The following OTOGL variants were observed in gnomAD, a reference collection of about 807,000 sequenced individuals.
OTOGL encodes otogelin-like protein.
In OTOGL, 285 loss-of-function variants were observed where a neutral mutation model predicts 318.5. That is an observed-to-expected ratio of 0.89 (90% CI 0.81 to 0.99). The LOEUF (loss-of-function observed/expected upper bound fraction) is 0.99, where lower values mean the gene tolerates loss of function less well. OTOGL is among the 50% of genes least tolerant of loss of function. The probability of loss-of-function intolerance (pLI) is 0.00; values close to 1 mark genes in which losing one functional copy is unlikely to be tolerated. For synonymous variants in OTOGL, 987 were observed against 936.5 expected (o/e 1.05, Z -0.99); for missense variants, 2,899 against 2,845.6 (o/e 1.02, Z -0.43).
intron 28 of OTOGL, among the ~76,000 whole-genome samples, chr12:80,305,204 A>G (rs1886027049): frequency 6.6e-6 from 1 of 152,200 alleles, no homozygotes; most frequent in Admixed American, 6.5e-5. Flanking sequence ...ATATGTATAT[A>G]TATATACACA....
rs999362419 is a variant in OTOGL, at chr12:80,380,229, T to C, written c.*2181T>C. The C allele has an allele frequency of 1.1e-4, 16 of 152,034 alleles. No individual in the cohort carries two copies. The highest frequency in any genetic ancestry group is 1.0e-3 in the Admixed American group (16 of 15,256). 9.4% of individuals were successfully genotyped at this position (152,034 alleles called of 1,614,324 possible). On this transcript the variant is annotated 3_prime_UTR_variant, in exon 59 of 59. Coordinates refer to ENST00000547103, the MANE Select transcript of OTOGL (RefSeq NM_001378609.3). ...CTTAGATTGGGGAGAGCCATTCTAA[T>C]TGTGACTCAGTATCCAGATACCCCA...
chr12:80,166,333 T>C (rs1245813602), intron 1 of OTOGL, among the ~76,000 whole-genome samples: 1 of 152,104 alleles, frequency 6.6e-6, no homozygotes, highest in Non-Finnish European at 1.5e-5. Flanking sequence ...TCTACATTAT[T>C]AGACAAGCTC....
chr12:80,122,515 G>T (rs945564283), intron 1 of OTOGL, among the ~76,000 whole-genome samples: 2 of 152,150 alleles, frequency 1.3e-5, no homozygotes, highest in African/African-American at 4.8e-5. Context: ...ACTCTTATCT[G>T]GTTAAGTTGT....
At position 80,125,362 on chromosome 12, in the gene OTOGL, T is replaced by C. The variant is rs1003146235; in HGVS notation, c.-20+25757T>C. 1.8e-4 allele frequency among the ~76,000 whole-genome samples: 28 copies of C among 152,254 alleles called. No homozygotes were observed. The East Asian group carries it at 2.1e-3, about 12-fold the overall frequency. On this transcript the variant is annotated intron_variant, in intron 1 of 58. Transcript: ENST00000547103. ...CGTTTATTGATTTGCATATGTTGAA[T>C]CAGCCTTGCATCCCAGGGATGAAGC...
At chr12:80,203,242 T>C (rs1057010026) in intron 1 of OTOGL, among the ~76,000 whole-genome samples, 7 of 152,216 alleles carry the variant, frequency 4.6e-5, no homozygotes, top group Non-Finnish European at 7.3e-5. Context: ...TGTATTTGTC[T>C]GGAAGCTGTA....
rs780734089 is a variant in OTOGL, at chr12:80,317,947, T to C, written c.3635-599T>C. ...CCTAGTGAAGCTCTTTTTCTCATAG[T>C]TTATAAGGGTCCCCAGCTGCTCAAT... On this transcript the variant is annotated intron_variant, in intron 32 of 58. Coordinates refer to ENST00000547103, the MANE Select transcript of OTOGL (RefSeq NM_001378609.3). Among the ~76,000 whole-genome samples, 108 of 152,262 alleles carry C rather than the reference T, an allele frequency of 7.1e-4. 1 individual carries two copies. The highest frequency in any genetic ancestry group is 8.5e-4 in the Admixed American group (13 of 15,278).
rs550870274 is a variant in OTOGL at position 80,380,826 on chromosome 12, G to A, written c.*2778G>A. 1 of 152,164 alleles carries A rather than the reference G, an allele frequency of 6.6e-6. No homozygotes were observed. The highest frequency in any genetic ancestry group is 2.4e-5 in the African/African-American group (1 of 41,532). The allele number at this position is 152,164 out of a possible 1,614,324, so 9.4% of individuals were successfully genotyped here. On this transcript the variant is annotated 3_prime_UTR_variant, in exon 59 of 59. Transcript: ENST00000547103. ...GTATTTGTGAAGGTTATTAATTGCAGCATTGTTTGTAATAGAAAAAAACCA... is the reference window on the plus strand; with the variant it reads ...GTATTTGTGAAGGTTATTAATTGCAACATTGTTTGTAATAGAAAAAAACCA...
chr12:80,328,331 C>CAACAAT, intron 35 of OTOGL, among the ~76,000 whole-genome samples: 1 of 151,570 alleles, frequency 6.6e-6, no homozygotes, highest in South Asian at 2.1e-4. Context: ...ACAACAACAA[C>CAACAAT]AACAACAACA....
intron 27 of OTOGL, among the ~76,000 whole-genome samples, chr12:80,301,427 T>C (rs1885753214): frequency 6.6e-6 from 1 of 152,224 alleles, no homozygotes; most frequent in Non-Finnish European, 1.5e-5. Context: ...AAGCTTTTAT[T>C]GACTACATTT....
At chr12:80,280,784 A>C (rs1219166777) in intron 26 of OTOGL, among the ~76,000 whole-genome samples, 1 of 151,304 alleles carries the variant, frequency 6.6e-6, no homozygotes, top group African/African-American at 2.4e-5. Flanking sequence ...TAGCTTTGGG[A>C]AGTATGGCCA....
chr12:80,112,709 C>CTTTTTTTTTTTTTTTTTTTTTTTTTT (rs144605517), intron 1 of OTOGL, among the ~76,000 whole-genome samples: 1 of 140,220 alleles, frequency 7.1e-6, no homozygotes, highest in African/African-American at 2.7e-5. Flanking sequence ...AATTTTCTTT[C>CTTTTTTTTTTTTTTTTTTTTTTTTTT]TTTTTTTTTT....
At chr12:80,287,842 TCCTTGTC>T (rs1884751714) in intron 26 of OTOGL, among the ~76,000 whole-genome samples, 1 of 152,184 alleles carries the variant, frequency 6.6e-6, no homozygotes, top group African/African-American at 2.4e-5. Context: ...GGGTCTTGAC[TCCTTGTC>T]CAATTTGCCA....
chr12:80,177,382 T>C (rs1177246775), intron 1 of OTOGL, among the ~76,000 whole-genome samples: 2 of 152,226 alleles, frequency 1.3e-5, no homozygotes, highest in African/African-American at 2.4e-5. Context: ...CCTTGCCCCA[T>C]TGAATTGCCT....
At chr12:80,155,487 A>G (rs866024404) in intron 1 of OTOGL, among the ~76,000 whole-genome samples, 3 of 152,170 alleles carry the variant, frequency 2.0e-5, no homozygotes, top group Non-Finnish European at 4.4e-5. Context: ...TTGTGGGTAC[A>G]TGGTGTATAT....
intron 44 of OTOGL, among the ~76,000 whole-genome samples, chr12:80,346,907 G>T (rs1047133755): frequency 1.3e-5 from 2 of 152,116 alleles, no homozygotes; most frequent in African/African-American, 4.8e-5. Flanking sequence ...GTAACATATC[G>T]AGATAAAGAA....
Position 80,174,098 on chromosome 12 carries a change from G to A in OTOGL, c.-19-35315G>A, listed in dbSNP as rs528487932. ...GTAAACAAATTAGAAGGCTTTCCAC[G>A]AACTGGGCAATTGTTTAAACCATGC... On this transcript the variant is annotated intron_variant, in intron 1 of 58. Coordinates refer to ENST00000547103, the MANE Select transcript of OTOGL (RefSeq NM_001378609.3). 3.0e-4 allele frequency among the ~76,000 whole-genome samples: 45 copies of A among 152,238 alleles called. 1 individual carries two copies. The highest frequency in any genetic ancestry group is 1.1e-3 in the African/African-American group (44 of 41,546).
chr12:80,133,334 A>G (rs1166602794), intron 1 of OTOGL, among the ~76,000 whole-genome samples: 1 of 152,162 alleles, frequency 6.6e-6, no homozygotes, highest in African/African-American at 2.4e-5. Context: ...TGTCTCCTGA[A>G]CTTTAAAATT....
intron 1 of OTOGL, among the ~76,000 whole-genome samples, chr12:80,147,400 T>C (rs1354780661): frequency 6.6e-6 from 1 of 150,586 alleles, no homozygotes. Context: ...TCTAGTTTGA[T>C]TGCACTGTGG....
intron 44 of OTOGL, among the ~76,000 whole-genome samples, chr12:80,351,296 T>TG (rs1304976415): frequency 6.7e-6 from 1 of 149,518 alleles, no homozygotes; most frequent in Non-Finnish European, 1.5e-5. Flanking sequence ...TTGTGTTTTT[T>TG]TTTTTTTTTT....
Sources: allele counts gnomAD v4.1 joint callset (sites outside exome capture counted in the v4.1 genomes callset), GRCh38; gene constraint gnomAD v4.1.1; transcripts MANE v1.5; gene names NCBI Gene and HGNC (gene_info 2026-07-23, HGNC 2026-07-21).